The following MTUS2 variants were observed in gnomAD, a reference collection of about 807,000 sequenced individuals.
MTUS2 encodes microtubule associated scaffold protein 2, also known as microtubule-associated tumor suppressor candidate 2.
A neutral mutation model predicts 114.1 loss-of-function variants in MTUS2; 40 were observed. The ratio of observed to expected loss-of-function variants is 0.35; its 90% CI spans 0.27 to 0.46. The LOEUF is 0.46. Ranked by LOEUF, MTUS2 falls within the 20% of genes least tolerant of loss-of-function variation. MTUS2 has a pLI of 1.00. For missense variants in MTUS2, 1,679 were observed against 1,705.4 expected (o/e 0.98, Z 0.27); for synonymous variants, 688 against 672.0 (o/e 1.02, Z -0.37).
At chr13:29,037,262 G>C (rs988622730) in intron 4 of MTUS2, among the ~76,000 whole-genome samples, 8 of 152,096 alleles carry the variant, frequency 5.3e-5, no homozygotes, top group Non-Finnish European at 8.8e-5. Context: ...TTTCTCCTTC[G>C]CTTATGAAGT....
chr13:29,375,492 G>A (rs866369047), intron 8 of MTUS2, among the ~76,000 whole-genome samples: 2 of 128,790 alleles, frequency 1.6e-5, no homozygotes, highest in East Asian at 2.2e-4. Context: ...GGCAAAAACC[G>A]CAATCACCTT....
chr13:29,054,628 T>C (rs1888047712), intron 4 of MTUS2, among the ~76,000 whole-genome samples: 1 of 152,134 alleles, frequency 6.6e-6, no homozygotes, highest in African/African-American at 2.4e-5. Flanking sequence ...TTGAACTATA[T>C]AATTAGAAAT....
intron 5 of MTUS2, among the ~76,000 whole-genome samples, chr13:29,137,530 T>C (rs1160832387): frequency 6.6e-6 from 1 of 152,134 alleles, no homozygotes; most frequent in Non-Finnish European, 1.5e-5. Context: ...TCTGTTTACT[T>C]TTCTTCAGTC....
At chr13:29,464,196 G>T (rs1251092779) in intron 9 of MTUS2, among the ~76,000 whole-genome samples, 1 of 152,214 alleles carries the variant, frequency 6.6e-6, no homozygotes, top group Non-Finnish European at 1.5e-5. Context: ...ACGGCTGTGA[G>T]CAGGTGCCTG....
At chr13:29,375,574 C>CAT (rs1275157922) in intron 8 of MTUS2, among the ~76,000 whole-genome samples, 3 of 3,194 alleles carry the variant, frequency 9.4e-4, no homozygotes, top group African/African-American at 2.7e-3. Flanking sequence ...TATATATATA[C>CAT]ATATATATAT....
chr13:29,046,043 G>A (rs1186486354), intron 4 of MTUS2, among the ~76,000 whole-genome samples: 5 of 151,752 alleles, frequency 3.3e-5, no homozygotes, highest in Admixed American at 1.3e-4. Context: ...GCTTACAAAT[G>A]ACTCTACCTG....
At chr13:28,931,167 C>T (rs1046945491) in intron 2 of MTUS2, among the ~76,000 whole-genome samples, 2 of 152,190 alleles carry the variant, frequency 1.3e-5, no homozygotes, top group African/African-American at 4.8e-5. Context: ...CCGTGACTTG[C>T]TTTGGCTGAT....
chr13:29,208,232 T>C (rs1311247750), intron 5 of MTUS2, among the ~76,000 whole-genome samples: 1 of 152,126 alleles, frequency 6.6e-6, no homozygotes, highest in Non-Finnish European at 1.5e-5. Flanking sequence ...GTGTTCATAG[T>C]AGCCTGCAAT....
At chr13:29,044,588 C>T (rs1887527239) in intron 4 of MTUS2, among the ~76,000 whole-genome samples, 1 of 152,190 alleles carries the variant, frequency 6.6e-6, no homozygotes. Flanking sequence ...AGTTGCCCTA[C>T]AGCTCCTGTT....
At chr13:29,222,537 A>T (rs994250633) in intron 5 of MTUS2, among the ~76,000 whole-genome samples, 2 of 152,298 alleles carry the variant, frequency 1.3e-5, no homozygotes, top group African/African-American at 4.8e-5. Context: ...TTTGTGATGG[A>T]GGTGGTGGCC....
intron 4 of MTUS2, among the ~76,000 whole-genome samples, chr13:29,083,650 C>G (rs1319068085): frequency 1.3e-5 from 2 of 152,076 alleles, no homozygotes; most frequent in Non-Finnish European, 2.9e-5. Context: ...GTCATTCATT[C>G]CAAATTTAAG....
At chr13:28,860,939 T>G (rs1876939802) in intron 2 of MTUS2, among the ~76,000 whole-genome samples, 1 of 152,164 alleles carries the variant, frequency 6.6e-6, no homozygotes, top group Non-Finnish European at 1.5e-5. Context: ...CCTTGCTAGT[T>G]CCATCAGTAA....
intron 9 of MTUS2, among the ~76,000 whole-genome samples, chr13:29,469,626 CAA>C (rs768631653): frequency 9.3e-5 from 11 of 117,742 alleles, no homozygotes; most frequent in Non-Finnish European, 1.2e-4. Flanking sequence ...GACTATGTCT[CAA>C]AAAAAAAAAA....
At chr13:29,215,573 T>C (rs754666794) in intron 5 of MTUS2, among the ~76,000 whole-genome samples, 8 of 152,070 alleles carry the variant, frequency 5.3e-5, no homozygotes, top group Non-Finnish European at 1.2e-4. Flanking sequence ...GCATGTTCTT[T>C]TTGTTGATGT....
intron 4 of MTUS2, among the ~76,000 whole-genome samples, chr13:29,079,646 A>G: frequency 6.6e-6 from 1 of 152,204 alleles, no homozygotes; most frequent in African/African-American, 2.4e-5. Context: ...ATTTGTTGAA[A>G]AACCTCTTCT....
At chr13:29,479,683 A>G (rs1314239627) in intron 9 of MTUS2, among the ~76,000 whole-genome samples, 1 of 152,222 alleles carries the variant, frequency 6.6e-6, no homozygotes, top group African/African-American at 2.4e-5. Context: ...TGCAGCTCTC[A>G]AGTCTTGATG....
chr13:29,336,934 T>A (rs1901093255), intron 7 of MTUS2, among the ~76,000 whole-genome samples: 1 of 152,176 alleles, frequency 6.6e-6, no homozygotes, highest in Non-Finnish European at 1.5e-5. Flanking sequence ...GCAGCTTTGT[T>A]TACACTGTGA....
intron 2 of MTUS2, among the ~76,000 whole-genome samples, chr13:28,944,602 A>G (rs1190270516): frequency 2.6e-5 from 4 of 152,158 alleles, no homozygotes; most frequent in Non-Finnish European, 5.9e-5. Context: ...GTAATGTAAC[A>G]TTGCTTATTT....
rs943421455 is a variant in MTUS2 at position 28,934,753 on chromosome 13, C to T, written c.-242-89704C>T. 2.6e-5 allele frequency among the ~76,000 whole-genome samples: 4 copies of T among 152,320 alleles called. No homozygotes were observed. The East Asian group carries it at 5.8e-4, about 22-fold the overall frequency. ...GGTCAGGCTGGTCTTGAACTCCTGA[C>T]CTCAGGTGATCTGGCCGCTTCGGCC... On this transcript the variant is annotated intron_variant, in intron 2 of 15. Coordinates refer to ENST00000612955, the MANE Select transcript of MTUS2 (RefSeq NM_001033602.4).
Sources: allele counts gnomAD v4.1 joint callset (sites outside exome capture counted in the v4.1 genomes callset), GRCh38; gene constraint gnomAD v4.1.1; transcripts MANE v1.5; gene names NCBI Gene and HGNC (gene_info 2026-07-23, HGNC 2026-07-21).